The following SHROOM3 variants were observed in gnomAD, a reference collection of about 807,000 sequenced individuals.
SHROOM3 encodes shroom family member 3, also known as protein Shroom3.
SHROOM3 carries 47 observed loss-of-function variants against 138.6 expected under a neutral mutation model. The ratio of observed to expected loss-of-function variants is 0.34; its 90% CI spans 0.27 to 0.43. The LOEUF (loss-of-function observed/expected upper bound fraction) is 0.43, where lower values mean the gene tolerates loss of function less well. Ranked by LOEUF, SHROOM3 falls within the 20% of genes least tolerant of loss-of-function variation. The probability of loss-of-function intolerance (pLI) is 1.00; values close to 1 mark genes in which losing one functional copy is unlikely to be tolerated. For missense variants in SHROOM3, 2,491 were observed against 2,596.5 expected (o/e 0.96, Z 0.88); for synonymous variants, 1,062 against 1,063.3 (o/e 1.00, Z 0.02).
intron 2 of SHROOM3, among the ~76,000 whole-genome samples, chr4:76,616,358 CA>C (rs1734874784): frequency 4.6e-5 from 7 of 152,260 alleles, no homozygotes; most frequent in Non-Finnish European, 8.8e-5. Flanking sequence ...TTTGTACACA[CA>C]TGTTCATAGC....
intron 2 of SHROOM3, among the ~76,000 whole-genome samples, chr4:76,621,870 C>A (rs947697066): frequency 6.7e-6 from 1 of 148,444 alleles, no homozygotes; most frequent in African/African-American, 2.5e-5. Context: ...CACTCTGTTA[C>A]CCAGGCTGGA....
chr4:76,590,833 T>G (rs1238329126), intron 2 of SHROOM3, among the ~76,000 whole-genome samples: 4 of 152,204 alleles, frequency 2.6e-5, no homozygotes, highest in Non-Finnish European at 4.4e-5. Context: ...TGAGATTTTC[T>G]TGGTATTTGT....
intron 2 of SHROOM3, among the ~76,000 whole-genome samples, chr4:76,630,076 G>T (rs1008068078): frequency 1.3e-5 from 2 of 152,100 alleles, no homozygotes; most frequent in Non-Finnish European, 2.9e-5. Flanking sequence ...TTTAACTACA[G>T]TAGCACTGCA....
At chr4:76,633,915 T>G (rs1735416544) in intron 2 of SHROOM3, among the ~76,000 whole-genome samples, 1 of 152,150 alleles carries the variant, frequency 6.6e-6, no homozygotes, top group Admixed American at 6.5e-5. Context: ...GCAGATGACA[T>G]TTTATCAAAT....
chr4:76,511,644 C>T (rs969156826), intron 1 of SHROOM3, among the ~76,000 whole-genome samples: 4 of 152,162 alleles, frequency 2.6e-5, no homozygotes, highest in Admixed American at 6.5e-5. Context: ...CTTCCAGGAT[C>T]GGGGAGGATT....
At chr4:76,609,371 C>T (rs1021068772) in intron 2 of SHROOM3, among the ~76,000 whole-genome samples, 1 of 152,232 alleles carries the variant, frequency 6.6e-6, no homozygotes, top group African/African-American at 2.4e-5. Flanking sequence ...TAACCTCAAA[C>T]TCCTGGGCTC....
At chr4:76,465,545 C>G (rs576790156) in intron 1 of SHROOM3, among the ~76,000 whole-genome samples, 1 of 152,332 alleles carries the variant, frequency 6.6e-6, no homozygotes, top group South Asian at 2.1e-4. Context: ...TTCCTCAGTC[C>G]TCCTGCCTTC....
At chr4:76,730,381 A>T (rs1031943899) in intron 3 of SHROOM3, among the ~76,000 whole-genome samples, 4 of 152,338 alleles carry the variant, frequency 2.6e-5, no homozygotes, top group Middle Eastern at 6.8e-3. Context: ...ATGTTTTGCC[A>T]TATATCCAAA....
chr4:76,547,489 A>G lies in SHROOM3; in HGVS notation c.169-8120A>G, dbSNP rs116741511. On this transcript the variant is annotated intron_variant, in intron 1 of 10. Transcript: ENST00000296043. Reference sequence around the variant, plus strand: ...AATCATGATGATAATTAATGTATCTATGCAATAAATAGTGGGCACTGCTAT... The same window carrying G: ...AATCATGATGATAATTAATGTATCTGTGCAATAAATAGTGGGCACTGCTAT... 3.2e-3 allele frequency among the ~76,000 whole-genome samples: 483 copies of G among 152,308 alleles called. 2 individuals carry two copies. The highest frequency in any genetic ancestry group is 0.011 in the African/African-American group (443 of 41,566).
At chr4:76,528,849 C>T (rs572181608) in intron 1 of SHROOM3, among the ~76,000 whole-genome samples, 4 of 152,214 alleles carry the variant, frequency 2.6e-5, no homozygotes, top group Non-Finnish European at 4.4e-5. Context: ...CCACTGTGCC[C>T]GGTCTTCCTC....
intron 2 of SHROOM3, among the ~76,000 whole-genome samples, chr4:76,572,427 T>C (rs1242124772): frequency 6.6e-6 from 1 of 152,170 alleles, no homozygotes; most frequent in Non-Finnish European, 1.5e-5. Context: ...TTCTGGGGCA[T>C]CCTGAGGTCT....
At chr4:76,662,691 C>CT (rs1001314811) in intron 2 of SHROOM3, among the ~76,000 whole-genome samples, 5 of 152,216 alleles carry the variant, frequency 3.3e-5, no homozygotes, top group African/African-American at 1.2e-4. Context: ...TATCCAGTTG[C>CT]TTAAGAATCC....
At chr4:76,620,397 T>A (rs1319542659) in intron 2 of SHROOM3, among the ~76,000 whole-genome samples, 1 of 152,086 alleles carries the variant, frequency 6.6e-6, no homozygotes, top group Non-Finnish European at 1.5e-5. Flanking sequence ...AAGATGAGAA[T>A]GAATGGGATC....
intron 1 of SHROOM3, among the ~76,000 whole-genome samples, chr4:76,467,608 A>G (rs899043616): frequency 5.3e-5 from 8 of 152,196 alleles, no homozygotes; most frequent in African/African-American, 7.2e-5. Flanking sequence ...ATCACTCCCT[A>G]TGTATTTTGC....
intron 1 of SHROOM3, among the ~76,000 whole-genome samples, chr4:76,459,602 C>T (rs541588441): frequency 6.6e-6 from 1 of 152,214 alleles, no homozygotes; most frequent in South Asian, 2.1e-4. Flanking sequence ...TCTCGCACAG[C>T]CAGATATGGC....
At position 76,741,425 on chromosome 4, in the gene SHROOM3, C is replaced by T. The variant is rs1431230401; in HGVS notation, c.3252C>T (p.Ser1084=). 3.8e-6 allele frequency: 6 copies of T among 1,593,502 alleles called. No individual in the cohort carries two copies. Among genetic ancestry groups the T allele is most frequent in the Middle Eastern group, 1.8e-4 (1 of 5,466 alleles). The change falls in exon 5 of 11, where the codon AGC becomes AGT. Residue 1084 remains serine (S), a synonymous_variant. Coordinates refer to ENST00000296043, the MANE Select transcript of SHROOM3 (RefSeq NM_020859.4). This position sits in a 1 kb window ranked among gnomAD's most constrained non-coding sequence, Gnocchi z 6.2. ...CCGAGCTGAAGCAGTTCCAGCAGAGCGCCCTGGCGGACTACATCCAGCGCA... is the reference window on the plus strand; with the variant it reads ...CCGAGCTGAAGCAGTTCCAGCAGAGTGCCCTGGCGGACTACATCCAGCGCA... ...SGPELKQFQQ[S]ALADYIQRKT...
At chr4:76,436,566 A>G (rs1730568965) in intron 1 of SHROOM3, among the ~76,000 whole-genome samples, 1 of 152,246 alleles carries the variant, frequency 6.6e-6, no homozygotes, top group African/African-American at 2.4e-5. Context: ...ATATTTGTGC[A>G]TTCAAAAATA....
intron 2 of SHROOM3, among the ~76,000 whole-genome samples, chr4:76,649,685 A>C (rs1378617561): frequency 6.6e-6 from 1 of 152,258 alleles, no homozygotes; most frequent in Non-Finnish European, 1.5e-5. Context: ...CCCATCTGAT[A>C]CAAAATAATT....
At chr4:76,597,583 G>C (rs1290537297) in intron 2 of SHROOM3, among the ~76,000 whole-genome samples, 1 of 152,158 alleles carries the variant, frequency 6.6e-6, no homozygotes, top group Admixed American at 6.5e-5. Flanking sequence ...AAGACAGGGA[G>C]GAGGAGAAGA....
Sources: allele counts gnomAD v4.1 joint callset (sites outside exome capture counted in the v4.1 genomes callset), GRCh38; gene constraint gnomAD v4.1.1; non-coding constraint Gnocchi (gnomAD v3.1); transcripts MANE v1.5; gene names NCBI Gene and HGNC (gene_info 2026-07-23, HGNC 2026-07-21).